ZNF142: variants seen among roughly 807,000 people sequenced by gnomAD.
ZNF142 encodes the protein zinc finger protein 142 (clone pHZ-49).
Under a neutral mutation model 132.1 loss-of-function variants are expected in ZNF142, and 96 were observed. That is an observed-to-expected ratio of 0.73 (90% CI 0.62 to 0.86). The LOEUF (loss-of-function observed/expected upper bound fraction) is 0.86. Among genes scored for constraint, ZNF142 ranks in the 40% least tolerant of loss-of-function variants. The probability of loss-of-function intolerance (pLI) is 0.00; values close to 1 mark genes in which losing one functional copy is unlikely to be tolerated. For missense variants in ZNF142, 2,163 were observed against 2,336.2 expected, an observed-to-expected ratio of 0.93 and a Z score of 1.53; for synonymous variants, 842 against 890.1, an observed-to-expected ratio of 0.95 and a Z score of 0.96.
chr2:218,646,121 C>A (rs1426009469), intron 8 of ZNF142, 50 bp downstream of exon 8: 2 of 1,585,824 alleles, frequency 1.3e-6, no homozygotes, highest in Non-Finnish European at 1.7e-6. Flanking sequence ...AGGAAGCTAG[C>A]TTGGCTAAGA....
Position 218,642,956 on chromosome 2 carries a change from T to C in ZNF142, c.4160A>G (p.Gln1387Arg). Reference sequence around the variant, plus strand: ...CTCGTGCTTGAGCCGCCGGTGCTGCTGCATGCAACGGCTCTGTTTACAGGT... The same window carrying C: ...CTCGTGCTTGAGCCGCCGGTGCTGCCGCATGCAACGGCTCTGTTTACAGGT... ...GFTCKQSRCM[Q>R]QHRRLKHEGV... Residue 1387 changes from glutamine (Q) to arginine (R), a missense_variant, in exon 9 of 11, where the codon CAG becomes CGG. By Grantham distance (43) the Gln-to-Arg change is conservative. Transcript: ENST00000411696. The surrounding 1 kb of genome is among the most constrained non-coding windows in gnomAD (Gnocchi z 4.6). 1.2e-6 allele frequency: 2 copies of C among 1,613,624 alleles called. No homozygotes were observed. The highest frequency in any genetic ancestry group is 1.7e-6 in the Non-Finnish European group (2 of 1,179,906).
rs983135402 is a variant in ZNF142, at chr2:218,642,056, TA to T, written c.5059del (p.Tyr1687MetfsTer37). 4 of 1,614,004 alleles carry T rather than the reference TA, an allele frequency of 2.5e-6. No individual in the cohort carries two copies. Among genetic ancestry groups the T allele is most frequent in the Admixed American group, 1.7e-5 (1 of 60,004 alleles). On this transcript the variant is annotated frameshift_variant, in exon 9 of 11. Transcript: ENST00000411696. LOFTEE classifies it high-confidence loss of function. The surrounding 1 kb of genome is among the most constrained non-coding windows in gnomAD (Gnocchi z 4.6). ...GAGACGAGAGGGATCAGCACAGGCA[TA>T]GGGGCAGAGGTGACAGTGGTAAGGC... ...EKPYHCHLCP[Y>X]ACADPSRLKY...
intron 8 of ZNF142, among the ~76,000 whole-genome samples, chr2:218,645,323 T>C (rs1386689588): frequency 6.6e-6 from 1 of 152,198 alleles, no homozygotes; most frequent in Non-Finnish European, 1.5e-5. Context: ...CTTCAGGGCC[T>C]GTGTTCTAAG....
Position 218,656,387 on chromosome 2 carries a change from C to T in ZNF142, c.43G>A (p.Gly15Arg), listed in dbSNP as rs61733649. The T allele has an allele frequency of 7.0e-3, 10,217 of 1,449,384 alleles. 62 individuals are homozygous for T. Among genetic ancestry groups the T allele is most frequent in the Non-Finnish European group, 8.3e-3 (8,988 of 1,086,630 alleles). 89.8% of individuals were successfully genotyped at this position (1,449,384 alleles called of 1,614,324 possible). ...LLDSQPASST[G>R]EMDGLCPELL... ...TCAGGGCACAGTCCATCCATCTCCC[C>T]GGTGCTACTGGCTGGCTGTGAGTCC... The change falls in exon 4 of 11, where the codon GGG becomes AGG. Residue 15 changes from glycine to arginine, a missense_variant. Coordinates refer to ENST00000411696, the MANE Select transcript of ZNF142 (RefSeq NM_001379659.1).
chr2:218,638,148 T>C lies in ZNF142; in HGVS notation c.*191A>G, dbSNP rs1696859704. Reference sequence around the variant, plus strand: ...GTACAGCAATAAGAAATCAACGTTATAGTCCATGTCCCTCTTTTATATGGG... The same window carrying C: ...GTACAGCAATAAGAAATCAACGTTACAGTCCATGTCCCTCTTTTATATGGG... On this transcript the variant is annotated 3_prime_UTR_variant, in exon 11 of 11. Coordinates refer to ENST00000411696, the MANE Select transcript of ZNF142 (RefSeq NM_001379659.1). 2.2e-6 allele frequency: 1 copy of C among 460,132 alleles called. No homozygotes were observed. The allele number at this position is 460,132 out of a possible 1,614,324, so 28.5% of individuals were successfully genotyped here. A position where few individuals can be genotyped will look rare whatever the true frequency, so the allele number is the denominator to read the frequency against.
intron 4 of ZNF142, among the ~76,000 whole-genome samples, chr2:218,652,628 G>A (rs1384444467): frequency 6.6e-6 from 1 of 152,180 alleles, no homozygotes; most frequent in African/African-American, 2.4e-5. Flanking sequence ...AAAAGAAAAT[G>A]ACAAACTAGG....
chr2:218,651,353 C>G (rs1937972400), intron 5 of ZNF142, among the ~76,000 whole-genome samples: 1 of 152,198 alleles, frequency 6.6e-6, no homozygotes, highest in South Asian at 2.1e-4. Context: ...AAAGGAAAGT[C>G]TACAGGCATT....
rs1418693113 is a variant in ZNF142 at position 218,651,727 on chromosome 2, C to G, written c.854G>C (p.Gly285Ala). ...GTQGELSAVQ[G>A]LPSQELLPAP... ...TGGCAGCAGCTCCTGGGATGGAAGG[C>G]CCTGAACGGCAGAAAGTTCTCCCTG... Residue 285 changes from glycine to alanine, a missense_variant, in exon 5 of 11, where the codon GGC becomes GCC. This residue lies in a region of ZNF142 where 63 missense variants were observed against 104.1 expected (regional missense o/e 0.61). Transcript: ENST00000411696. The G allele has an allele frequency of 4.7e-6, 6 of 1,288,344 alleles. No individual in the cohort carries two copies. Among genetic ancestry groups the G allele is most frequent in the Non-Finnish European group, 6.1e-6 (6 of 988,168 alleles). The allele number at this position is 1,288,344 out of a possible 1,614,324, so 79.8% of individuals were successfully genotyped here. A position where few individuals can be genotyped will look rare whatever the true frequency, so the allele number is the denominator to read the frequency against.
chr2:218,645,084 G>C lies in ZNF142; in HGVS notation c.2052-20C>G. 1 of 1,600,266 alleles carries C rather than the reference G, an allele frequency of 6.2e-7. No homozygotes were observed. Among genetic ancestry groups the C allele is most frequent in the Non-Finnish European group, 8.5e-7 (1 of 1,171,232 alleles). Reference sequence around the variant, plus strand: ...TGATACCTGGCAAGGAGGGAAAGGGGGAGGCAATCACAATAATTAATCACA... The same window carrying C: ...TGATACCTGGCAAGGAGGGAAAGGGCGAGGCAATCACAATAATTAATCACA... On this transcript the variant is annotated intron_variant, in intron 8 of 10. Transcript: ENST00000411696.
At chr2:218,648,329 G>T (rs576152167) in intron 7 of ZNF142, among the ~76,000 whole-genome samples, 2 of 152,322 alleles carry the variant, frequency 1.3e-5, no homozygotes, top group African/African-American at 4.8e-5. Context: ...GGTTTCTTCA[G>T]GCTTGGTGTT....
intron 7 of ZNF142, among the ~76,000 whole-genome samples, chr2:218,647,422 C>CAAAAAAAAAAAAAAAAAA (rs35920609): frequency 0.021 from 816 of 38,572 alleles, 269 homozygotes; most frequent in East Asian, 0.11. Context: ...GACTCCATCT[C>CAAAAAAAAAAAAAAAAAA]AAAAAAAAAA....
rs1697350675 is a variant in ZNF142, at chr2:218,642,852, G to T, written c.4264C>A (p.His1422Asn). ...RYRLEAHQSR[H>N]TGIGRIPCSS... ...CAGGGGATGCGGCCAATGCCTGTGT[G>T]TCGGGACTGGTGAGCCTCTAACCGG... is the stretch of plus-strand genomic sequence containing the variant. Residue 1422 changes from histidine (H) to asparagine (N), a missense_variant, in exon 9 of 11, where the codon CAC becomes AAC. Physicochemically the swap from His to Asn is moderately conservative, Grantham distance 68 (BLOSUM62 1). This residue lies in a region of ZNF142 where 809 missense variants were observed against 801.7 expected (regional missense o/e 1.01). Transcript: ENST00000411696. This position sits in a 1 kb window ranked among gnomAD's most constrained non-coding sequence, Gnocchi z 4.6. 6.2e-7 allele frequency: 1 copy of T among 1,614,084 alleles called. No homozygotes were observed. The highest frequency in any genetic ancestry group is 8.5e-7 in the Non-Finnish European group (1 of 1,180,054).
intron 3 of ZNF142, among the ~76,000 whole-genome samples, chr2:218,657,149 A>G (rs2106285797): frequency 6.6e-6 from 1 of 151,608 alleles, no homozygotes; most frequent in African/African-American, 2.4e-5. Flanking sequence ...TAATCTCACT[A>G]TTCCTCAGCA....
chr2:218,653,532 G>T (rs941679002), intron 4 of ZNF142, among the ~76,000 whole-genome samples: 2 of 151,394 alleles, frequency 1.3e-5, no homozygotes, highest in Non-Finnish European at 1.5e-5. Context: ...CCAAGATCAC[G>T]CCATTGCACT....
chr2:218,652,888 T>C (rs1938140935), intron 4 of ZNF142, among the ~76,000 whole-genome samples: 1 of 152,142 alleles, frequency 6.6e-6, no homozygotes, highest in Admixed American at 6.5e-5. Flanking sequence ...TTAAGACTAC[T>C]ATGTTTATTA....
Position 218,650,501 on chromosome 2 carries a change from T to C in ZNF142, c.906A>G (p.Arg302=), listed in dbSNP as rs1316013826. 7.5e-6 allele frequency: 12 copies of C among 1,603,796 alleles called. No homozygotes were observed. The highest frequency in any genetic ancestry group is 6.9e-5 in the Admixed American group (4 of 58,096). The change falls in exon 6 of 11, where the codon AGA becomes AGG. Residue 302 remains arginine, a synonymous_variant. Coordinates refer to ENST00000411696, the MANE Select transcript of ZNF142 (RefSeq NM_001379659.1). The part of the protein sequence containing the change: ...LPAPKLPPGE[R]EPSQEAGTPL... ...GTGTACCTGCTTCCTGTGAAGGTTC[T>C]CTCTCTCCTGGAGGCAGTTTGGGAG...
Position 218,637,762 on chromosome 2 carries a change from G to C in ZNF142, c.*577C>G, listed in dbSNP as rs1168641655. ...GGTCAAGATGGCTCAAGGACAGGGA[G>C]AAGGCAGACCTAGGCCTGTTTCAGT... On this transcript the variant is annotated 3_prime_UTR_variant, in exon 11 of 11. Coordinates refer to ENST00000411696, the MANE Select transcript of ZNF142 (RefSeq NM_001379659.1). Among the ~76,000 whole-genome samples, 1 of 152,210 alleles carries C rather than the reference G, an allele frequency of 6.6e-6. No individual in the cohort carries two copies. The highest frequency in any genetic ancestry group is 1.5e-5 in the Non-Finnish European group (1 of 68,036).
chr2:218,649,069 G>A lies in ZNF142; in HGVS notation c.1439C>T (p.Ala480Val). Residue 480 changes from alanine (A) to valine (V), a missense_variant, in exon 7 of 11, where the codon GCA (alanine) becomes GTA (valine). By Grantham distance (64) the Ala-to-Val change is moderately conservative. This residue lies in a region of ZNF142 where 749 missense variants were observed against 830.3 expected (regional missense o/e 0.90). Coordinates refer to ENST00000411696, the MANE Select transcript of ZNF142 (RefSeq NM_001379659.1). ...EHLKSHTAAAAAEPLPLRCFQ... is the reference protein window; with the variant it reads ...EHLKSHTAAAVAEPLPLRCFQ... ...GCAGCGAAGGGGTAATGGCTCTGCT[G>A]CGGCTGCTGCCGTGTGGCTCTTGAG... The A allele has an allele frequency of 6.2e-7, 1 of 1,613,822 alleles. No homozygotes were observed. Among genetic ancestry groups the A allele is most frequent in the East Asian group, 2.2e-5 (1 of 44,886 alleles).
intron 5 of ZNF142, among the ~76,000 whole-genome samples, chr2:218,650,826 A>G (rs1359444736): frequency 1.3e-5 from 2 of 152,162 alleles, no homozygotes; most frequent in East Asian, 1.9e-4. Context: ...GAGAATGGGT[A>G]GACTGCAATT....
Sources: gnomAD v4.1 joint callset for allele counts (sites outside exome capture counted in the v4.1 genomes callset) on GRCh38, gnomAD v4.1.1 for gene constraint, gnomAD v4.1.1 regional missense constraint, Gnocchi (gnomAD v3.1) non-coding constraint, MANE v1.5 for transcripts, NCBI Gene and HGNC (gene_info 2026-07-23, HGNC 2026-07-21) for gene names.